The following PAWR variants were observed in gnomAD, a reference collection of about 807,000 sequenced individuals.
The protein encoded by PAWR is pro-apoptotic WT1 regulator.
Under a neutral mutation model 32.0 loss-of-function variants are expected in PAWR, and 23 were observed. The observed-to-expected ratio is 0.72, with a 90% CI of 0.52 to 1.02. PAWR has a LOEUF of 1.02. Among genes scored for constraint, PAWR ranks in the 50% least tolerant of loss-of-function variants. The pLI is 0.00. For synonymous variants in PAWR, 226 were observed against 187.1 expected (o/e 1.21, Z -1.70); for missense variants, 457 against 437.7 (o/e 1.04, Z -0.39).
In PAWR at chr12:79,690,320, T is replaced by C; in HGVS notation, c.-76A>G. ...CCGGCCGCTGCCTCCTCTTCCTTCC[T>C]GCGGCCCCGAGGATGCCAGGAGACG... On this transcript the variant is annotated 5_prime_UTR_variant, in exon 2 of 7. Coordinates refer to ENST00000328827, the MANE Select transcript of PAWR (RefSeq NM_002583.4). 2 of 1,366,038 alleles carry C rather than the reference T, an allele frequency of 1.5e-6. No individual in the cohort carries two copies. Among genetic ancestry groups the C allele is most frequent in the South Asian group, 1.7e-5 (1 of 60,034 alleles). 84.6% of individuals were successfully genotyped at this position (1,366,038 alleles called of 1,614,324 possible). A position where few individuals can be genotyped will look rare whatever the true frequency, so the allele number is the denominator to read the frequency against.
intron 2 of PAWR, among the ~76,000 whole-genome samples, chr12:79,662,201 CAAAAAA>C (rs57565065): frequency 2.2e-5 from 1 of 45,712 alleles, no homozygotes; most frequent in African/African-American, 7.0e-5. Flanking sequence ...AGACATCTCT[CAAAAAA>C]AAAAAAAAAA....
chr12:79,612,501 T>A (rs1207978429), intron 4 of PAWR, among the ~76,000 whole-genome samples: 1 of 152,180 alleles, frequency 6.6e-6, no homozygotes, highest in Non-Finnish European at 1.5e-5. Context: ...ACATAGTTAA[T>A]AAAAATGTGG....
intron 2 of PAWR, among the ~76,000 whole-genome samples, chr12:79,626,579 CT>C (rs60708482): frequency 0.024 from 3,461 of 144,706 alleles, 128 homozygotes; most frequent in East Asian, 0.18. Flanking sequence ...TTTTTTTTTC[CT>C]TTTTTTTTTT....
At chr12:79,664,657 G>A (rs2136832016) in intron 2 of PAWR, among the ~76,000 whole-genome samples, 1 of 69,930 alleles carries the variant, frequency 1.4e-5, no homozygotes, top group Admixed American at 1.6e-4. Context: ...AGACTCTTTG[G>A]CGGGGGGGGG....
intron 4 of PAWR, among the ~76,000 whole-genome samples, chr12:79,607,941 C>A (rs1213554588): frequency 1.3e-5 from 2 of 150,946 alleles, no homozygotes; most frequent in African/African-American, 4.9e-5. Context: ...CCCAGCTACT[C>A]AGGAGCCTGA....
intron 4 of PAWR, among the ~76,000 whole-genome samples, chr12:79,602,112 G>C (rs1306706163): frequency 6.6e-6 from 1 of 152,188 alleles, no homozygotes; most frequent in Non-Finnish European, 1.5e-5. Flanking sequence ...GCAACATGCA[G>C]AAAGTGAACA....
intron 4 of PAWR, 72 bp downstream of exon 4, chr12:79,613,503 T>C: frequency 1.3e-6 from 1 of 751,644 alleles, no homozygotes; most frequent in South Asian, 2.0e-5. Context: ...CTTTAAATAG[T>C]TCTAGTTAAG....
chr12:79,645,535 T>C (rs934645447), intron 2 of PAWR, among the ~76,000 whole-genome samples: 7 of 152,310 alleles, frequency 4.6e-5, no homozygotes, highest in Admixed American at 3.9e-4. Flanking sequence ...TGAGGGCTAA[T>C]TAACTGAAAT....
intron 2 of PAWR, among the ~76,000 whole-genome samples, chr12:79,658,739 C>A (rs1019756936): frequency 7.2e-5 from 11 of 152,202 alleles, no homozygotes; most frequent in Admixed American, 4.6e-4. Flanking sequence ...TCTCAGCTCA[C>A]TGCAACCTCC....
chr12:79,631,187 A>G (rs929140765), intron 2 of PAWR, among the ~76,000 whole-genome samples: 4 of 152,190 alleles, frequency 2.6e-5, no homozygotes, highest in South Asian at 2.1e-4. Flanking sequence ...AGAAAAACCC[A>G]TATCTAACAT....
rs147587242 is a variant in PAWR at position 79,610,922 on chromosome 12, G to A, written c.683+2653C>T. Among the ~76,000 whole-genome samples, 629 of 151,092 alleles carry A rather than the reference G, an allele frequency of 4.2e-3. 11 individuals are homozygous for A. Among genetic ancestry groups the A allele is most frequent in the African/African-American group, 0.014 (595 of 41,230 alleles). On this transcript the variant is annotated intron_variant, in intron 4 of 6. Transcript: ENST00000328827. ...TAAACACATTTTTATAAGGAAAACC[G>A]GGAATATGTAAGACACATTCCACGA...
intron 4 of PAWR, among the ~76,000 whole-genome samples, chr12:79,608,143 C>T (rs1236671248): frequency 1.3e-5 from 2 of 151,878 alleles, no homozygotes; most frequent in African/African-American, 4.8e-5. Flanking sequence ...AACTATGTTT[C>T]TAAATAAATT....
chr12:79,646,717 C>T (rs570332040), intron 2 of PAWR, among the ~76,000 whole-genome samples: 29 of 152,002 alleles, frequency 1.9e-4, no homozygotes, highest in East Asian at 5.8e-4. Context: ...ATGCCTGAAG[C>T]GGTAAATAGA....
intron 4 of PAWR, among the ~76,000 whole-genome samples, chr12:79,600,825 T>C (rs1173415371): frequency 3.3e-5 from 5 of 152,222 alleles, no homozygotes; most frequent in African/African-American, 1.2e-4. Flanking sequence ...CTTCAAAATA[T>C]CACACATTGT....
At chr12:79,649,470 T>C (rs1456194541) in intron 2 of PAWR, among the ~76,000 whole-genome samples, 1 of 152,062 alleles carries the variant, frequency 6.6e-6, no homozygotes, top group Non-Finnish European at 1.5e-5. Context: ...TATTAAAAAG[T>C]TGGAGAGTCT....
intron 2 of PAWR, among the ~76,000 whole-genome samples, chr12:79,636,775 AT>A (rs1358358690): frequency 6.6e-6 from 1 of 152,156 alleles, no homozygotes; most frequent in African/African-American, 2.4e-5. Context: ...GACATTCCTT[AT>A]AATGCTTGTT....
chr12:79,593,494 C>G (rs1335792081), intron 6 of PAWR, among the ~76,000 whole-genome samples: 1 of 151,746 alleles, frequency 6.6e-6, no homozygotes, highest in Non-Finnish European at 1.5e-5. Context: ...AAGACAGACT[C>G]TTTACTGTTA....
At chr12:79,596,401 C>T in intron 5 of PAWR, 110 bp downstream of exon 5, 1 of 594,808 alleles carries the variant, frequency 1.7e-6, no homozygotes, top group Non-Finnish European at 2.8e-6. Context: ...GAAAAGCGCA[C>T]ATATTAAATA....
intron 5 of PAWR, among the ~76,000 whole-genome samples, chr12:79,596,062 T>C (rs1592489072): frequency 1.3e-5 from 2 of 152,170 alleles, no homozygotes; most frequent in South Asian, 2.1e-4. Context: ...AAACACATTT[T>C]CAACAATTAC....
Sources: gnomAD v4.1 joint callset for allele counts (sites outside exome capture counted in the v4.1 genomes callset) on GRCh38, gnomAD v4.1.1 for gene constraint, MANE v1.5 for transcripts, NCBI Gene and HGNC (gene_info 2026-07-23, HGNC 2026-07-21) for gene names.